ZNF91: variants seen among roughly 807,000 people sequenced by gnomAD.
The protein encoded by ZNF91 is zinc finger protein 91.
Under a neutral mutation model 12.6 loss-of-function variants are expected in ZNF91, and 7 were observed. The observed-to-expected ratio is 0.55, with a 90% CI of 0.31 to 1.04. The LOEUF (loss-of-function observed/expected upper bound fraction) is 1.04, where lower values mean the gene tolerates loss of function less well. ZNF91 is among the 50% of genes least tolerant of loss of function. The pLI, the probability that ZNF91 is intolerant of heterozygous loss-of-function variation, is 0.05. For synonymous variants in ZNF91, 453 were observed against 462.6 expected (o/e 0.98, Z 0.27); for missense variants, 1,217 against 1,385.4 (o/e 0.88, Z 1.93).
At chr19:23,373,610 T>TAA in intron 3 of ZNF91, 132 bp downstream of exon 3, 1 of 581,564 alleles carries the variant, frequency 1.7e-6, no homozygotes, top group Non-Finnish European at 3.0e-6. Context: ...TAGCATAATT[T>TAA]AAAAAAAAAA....
chr19:23,352,187 G>A (rs879771840), intron 3 of ZNF91, among the ~76,000 whole-genome samples: 4 of 152,072 alleles, frequency 2.6e-5, no homozygotes, highest in African/African-American at 4.8e-5. Context: ...AACAGACTCG[G>A]GGCTGTTGTG....
chr19:23,319,260 T>A (rs1967633807), intron 1 of ZNF91, among the ~76,000 whole-genome samples: 3 of 152,244 alleles, frequency 2.0e-5, no homozygotes, highest in Admixed American at 2.0e-4. Flanking sequence ...GAGCTCAGCA[T>A]AAATTGTGTA....
In ZNF91 at chr19:23,361,462, G is replaced by T. The variant is rs1031583929; in HGVS notation, c.1517C>A (p.Thr506Asn). 2 of 1,613,270 alleles carry T rather than the reference G, an allele frequency of 1.2e-6. No homozygotes were observed. The highest frequency in any genetic ancestry group is 1.3e-5 in the African/African-American group (1 of 74,926). Residue 506 changes from threonine (T) to asparagine (N), a missense_variant, in exon 4 of 4, where the codon ACT becomes AAT. Coordinates refer to ENST00000300619, the MANE Select transcript of ZNF91 (RefSeq NM_003430.4). ...GKAFRQSSTL[T>N]KHKIIHTGEK... ...TCCAGTATGAATTATCTTATGTTTA[G>T]TAAGGGTTGAGGATTGCCTAAAAGC...
chr19:23,361,255 T>G lies in ZNF91; in HGVS notation c.1724A>C (p.Lys575Thr). 6.2e-7 allele frequency: 1 copy of G among 1,613,648 alleles called. No homozygotes were observed. Among genetic ancestry groups the G allele is most frequent in the African/African-American group, 1.3e-5 (1 of 75,024 alleles). The change falls in exon 4 of 4, where the codon AAA (lysine) becomes ACA (threonine). Residue 575 changes from lysine to threonine, a missense_variant. Physicochemically the swap from Lys to Thr is moderately conservative, Grantham distance 78. This residue lies in a region of ZNF91 where 726 missense variants were observed against 895.5 expected (regional missense o/e 0.81). Transcript: ENST00000300619. The part of the protein sequence containing the change: ...KIIHAGKKLY[K>T]CEECGKAFNH... ...AAAAGCTTTGCCACATTCTTCACAT[T>G]TGTAGAGTTTCTTTCCAGCATGAAT...
chr19:23,328,143 G>A (rs1485303949), intron 1 of ZNF91: 2 of 151,848 alleles, frequency 1.3e-5, no homozygotes, highest in East Asian at 1.9e-4. Context: ...CAAGCCTACC[G>A]GTATGGCAAA....
chr19:23,339,031 C>T (rs909151326), exon 4 of ZNF91: 1 of 150,872 alleles, frequency 6.6e-6, no homozygotes, highest in Admixed American at 6.6e-5. Flanking sequence ...TGCACTCCAG[C>T]CTGGCGATGG....
At chr19:23,391,224 T>C (rs569961244) in intron 1 of ZNF91, among the ~76,000 whole-genome samples, 4 of 152,336 alleles carry the variant, frequency 2.6e-5, no homozygotes, top group Non-Finnish European at 4.4e-5. Context: ...TTGTGCATTT[T>C]CTCCTCTTCC....
chr19:23,357,711 T>C lies in ZNF91; in HGVS notation c.*1692A>G, dbSNP rs1175779313. ...CTCAGAAATATATGGATTTTACTTATGTTTGTATATAAGTTTTATTATGAC... is the reference window on the plus strand; with the variant it reads ...CTCAGAAATATATGGATTTTACTTACGTTTGTATATAAGTTTTATTATGAC... On this transcript the variant is annotated 3_prime_UTR_variant, in exon 4 of 4. Coordinates refer to ENST00000300619, the MANE Select transcript of ZNF91 (RefSeq NM_003430.4). The C allele has an allele frequency of 1.3e-5, 2 of 152,224 alleles. No homozygotes were observed. The highest frequency in any genetic ancestry group is 3.8e-4 in the East Asian group (2 of 5,204). 9.4% of individuals were successfully genotyped at this position (152,224 alleles called of 1,614,324 possible).
chr19:23,384,725 T>C (rs1969819726), intron 1 of ZNF91: 1 of 613,036 alleles, frequency 1.6e-6, no homozygotes, highest in Non-Finnish European at 3.0e-6. Context: ...AATGAGCTTT[T>C]ACCTGGAAAC....
At chr19:23,337,135 C>T (rs937110661), downstream of ZNF91, among the ~76,000 whole-genome samples, 2 of 152,086 alleles carry the variant, frequency 1.3e-5, no homozygotes, top group African/African-American at 4.8e-5. Flanking sequence ...CTACCCCACC[C>T]TACCTTCTTA....
At chr19:23,317,839 C>T (rs1371281339) in intron 1 of ZNF91, among the ~76,000 whole-genome samples, 1 of 152,160 alleles carries the variant, frequency 6.6e-6, no homozygotes, top group Non-Finnish European at 1.5e-5. Flanking sequence ...GATTGTGACT[C>T]ATGTATTTAG....
chr19:23,312,962 A>G (rs1967496097), upstream of ZNF91, among the ~76,000 whole-genome samples: 1 of 152,220 alleles, frequency 6.6e-6, no homozygotes, highest in African/African-American at 2.4e-5. Flanking sequence ...TCTGGTCCAC[A>G]GGTAGGCAGG....
chr19:23,349,137 C>T (rs1307042117), intron 3 of ZNF91, among the ~76,000 whole-genome samples: 3 of 152,104 alleles, frequency 2.0e-5, no homozygotes, highest in Admixed American at 6.6e-5. Flanking sequence ...CTAATTTTGC[C>T]CTTGCCTTGT....
chr19:23,322,293 G>A (rs2145856883), intron 1 of ZNF91, among the ~76,000 whole-genome samples: 1 of 152,212 alleles, frequency 6.6e-6, no homozygotes, highest in Non-Finnish European at 1.5e-5. Flanking sequence ...ATGTATTGCT[G>A]GACCTAGAAC....
intron 2 of ZNF91, chr19:23,307,742 A>G (rs1967416363): frequency 6.6e-6 from 1 of 152,220 alleles, no homozygotes; most frequent in African/African-American, 2.4e-5. Context: ...CACCTAAGTG[A>G]TGTGGCTCTC....
At chr19:23,377,830 C>G (rs1414010638) in intron 1 of ZNF91, among the ~76,000 whole-genome samples, 1 of 152,146 alleles carries the variant, frequency 6.6e-6, no homozygotes, top group Non-Finnish European at 1.5e-5. Flanking sequence ...CAGGATGTTA[C>G]AGAGCACTGT....
chr19:23,368,552 C>CTATATA (rs1452832461), intron 3 of ZNF91, among the ~76,000 whole-genome samples: 15 of 79,260 alleles, frequency 1.9e-4, no homozygotes, highest in Admixed American at 5.7e-4. Context: ...CTCTCTCTCT[C>CTATATA]TCTCTCTCTC....
chr19:23,395,301 G>A (rs1021431392), intron 1 of ZNF91, 24 bp downstream of exon 1: 2 of 1,612,594 alleles, frequency 1.2e-6, no homozygotes, highest in African/African-American at 1.3e-5. Context: ...CCCTCTCTCG[G>A]GACGTCGCAC....
At chr19:23,390,442 T>C (rs1043449498) in intron 1 of ZNF91, among the ~76,000 whole-genome samples, 1 of 152,238 alleles carries the variant, frequency 6.6e-6, no homozygotes, top group African/African-American at 2.4e-5. Flanking sequence ...TCTCTATCTT[T>C]TGTGTTCTCC....
Sources: allele counts gnomAD v4.1 joint callset (sites outside exome capture counted in the v4.1 genomes callset), GRCh38; gene constraint gnomAD v4.1.1; regional missense constraint gnomAD v4.1.1; transcripts MANE v1.5; gene names NCBI Gene and HGNC (gene_info 2026-07-23, HGNC 2026-07-21).